Variants in EPHX2 observed in about 807,000 individuals in gnomAD.
EPHX2 encodes the protein epoxide hydrolase 2.
A neutral mutation model predicts 78.7 loss-of-function variants in EPHX2; 74 were observed. That is an observed-to-expected ratio of 0.94 (90% confidence interval 0.78 to 1.14). EPHX2 has a LOEUF of 1.14. Among genes scored for constraint, EPHX2 ranks in the 50% most tolerant of loss-of-function variants. EPHX2 has a pLI of 0.00. For missense variants in EPHX2, 715 were observed against 702.5 expected (o/e 1.02, Z -0.20); for synonymous variants, 251 against 255.2 (o/e 0.98, Z 0.16).
At chr8:27,540,492 C>T in intron 14 of EPHX2, 62 bp from the exon 15 acceptor site, 1 of 1,467,196 alleles carries the variant, frequency 6.8e-7, no homozygotes. Flanking sequence ...ATGAGGTCCC[C>T]ACCTTAAAAT....
At chr8:27,516,469 G>A (rs1032095574) in intron 8 of EPHX2, 71 bp downstream of exon 8, 2 of 1,410,138 alleles carry the variant, frequency 1.4e-6, no homozygotes, top group Non-Finnish European at 2.0e-6. Flanking sequence ...CCACGCCTCG[G>A]TGCTTTCCCT....
chr8:27,497,890 T>C (rs1813631966), intron 1 of EPHX2, among the ~76,000 whole-genome samples: 3 of 152,206 alleles, frequency 2.0e-5, no homozygotes, highest in African/African-American at 2.4e-5. Context: ...TGGAGATCCA[T>C]ACTGGGGACG....
Position 27,520,356 on chromosome 8 carries a change from T to G in EPHX2, c.946-527T>G, listed in dbSNP as rs1366731063. Among the ~76,000 whole-genome samples, 8 of 146,664 alleles carry G rather than the reference T, an allele frequency of 5.5e-5. No homozygotes were observed. In the South Asian group the frequency reaches 1.7e-3, roughly 32 times the overall value. The stretch of plus-strand genomic sequence containing the variant: ...AATTTTTGTTTTGTTTTGTTTTGGG[T>G]TTTTTTTTTGAGATGGAGTTTCACT... On this transcript the variant is annotated intron_variant, in intron 9 of 18. Transcript: ENST00000521400.
At chr8:27,504,888 G>C in intron 3 of EPHX2, 68 bp from the exon 4 acceptor site, 1 of 1,542,186 alleles carries the variant, frequency 6.5e-7, no homozygotes, top group Non-Finnish European at 8.9e-7. Flanking sequence ...GGAGTCCCTT[G>C]GGGGTATCTG....
At chr8:27,510,245 T>C (rs1168767071) in intron 5 of EPHX2, among the ~76,000 whole-genome samples, 2 of 152,222 alleles carry the variant, frequency 1.3e-5, no homozygotes, top group Non-Finnish European at 2.9e-5. Flanking sequence ...CCTTTAGGAC[T>C]AAAAGTGACC....
chr8:27,528,502 C>A (rs1471688943), intron 12 of EPHX2, among the ~76,000 whole-genome samples: 1 of 152,176 alleles, frequency 6.6e-6, no homozygotes, highest in Non-Finnish European at 1.5e-5. Context: ...TCAGTTTCCT[C>A]ATCTGCAAAA....
In EPHX2 at chr8:27,514,694, A is replaced by G. The variant is rs138187944; in HGVS notation, c.736-1024A>G. ...CTCGAGGCCCATGTCATTCAGGCAG[A>G]GATAGGCAAAGGGAGGGAGGCCACG... On this transcript the variant is annotated intron_variant, in intron 6 of 18. Transcript: ENST00000521400. Among the ~76,000 whole-genome samples, 10 of 152,258 alleles carry G rather than the reference A, an allele frequency of 6.6e-5. No individual in the cohort carries two copies. The East Asian group carries it at 1.9e-3, about 29-fold the overall frequency.
intron 6 of EPHX2, 48 bp from the exon 7 acceptor site, chr8:27,515,670 A>G (rs1345222627): frequency 1.3e-6 from 2 of 1,538,302 alleles, no homozygotes; most frequent in Non-Finnish European, 1.8e-6. Flanking sequence ...GCCTGGGTCC[A>G]CTGGGCCTGG....
chr8:27,511,807 C>T, intron 5 of EPHX2, 29 bp from the exon 6 acceptor site: 1 of 1,611,218 alleles, frequency 6.2e-7, no homozygotes, highest in South Asian at 1.1e-5. Context: ...CTGCTGCTGT[C>T]TCTCTCACTA....
At chr8:27,501,328 TTC>T (rs1401936065) in intron 2 of EPHX2, among the ~76,000 whole-genome samples, 4 of 34,324 alleles carry the variant, frequency 1.2e-4, no homozygotes, top group African/African-American at 5.4e-4. Context: ...ATATATTTTC[TTC>T]TTCTTCTTCT....
intron 11 of EPHX2, among the ~76,000 whole-genome samples, chr8:27,522,875 C>T (rs1043199371): frequency 1.4e-5 from 2 of 146,474 alleles, no homozygotes; most frequent in South Asian, 2.2e-4. Flanking sequence ...GCAGGAGAAT[C>T]GCTTGAACCC....
intron 5 of EPHX2, among the ~76,000 whole-genome samples, chr8:27,508,748 A>G (rs867394914): frequency 1.3e-5 from 2 of 152,154 alleles, no homozygotes; most frequent in Non-Finnish European, 2.9e-5. Flanking sequence ...AAAATTTGCC[A>G]TCTTTGTGTG....
intron 6 of EPHX2, among the ~76,000 whole-genome samples, chr8:27,512,323 A>G (rs1232913289): frequency 6.6e-6 from 1 of 152,218 alleles, no homozygotes; most frequent in Non-Finnish European, 1.5e-5. Context: ...AGGCTAAAGC[A>G]TGCACACAGC....
At chr8:27,516,919 AT>A (rs1255634079) in intron 8 of EPHX2, among the ~76,000 whole-genome samples, 2,674 of 131,486 alleles carry the variant, frequency 0.02, 31 homozygotes, top group Middle Eastern at 0.048. Context: ...TTTCCTTCCT[AT>A]TTTTTTTTTT....
In EPHX2 at chr8:27,505,109, A is replaced by T. The variant is rs140021176; in HGVS notation, c.500A>T (p.Lys167Met). 1 of 1,614,024 alleles carries T rather than the reference A, an allele frequency of 6.2e-7. No individual in the cohort carries two copies. Among genetic ancestry groups the T allele is most frequent in the Non-Finnish European group, 8.5e-7 (1 of 1,180,006 alleles). ...GMVKPEPQIY[K>M]FLLDTLKASP... ...GTCAAACCTGAACCTCAGATCTACA[A>T]GTTTCTGCTGGACACCCTGAAGGCC... The change falls in exon 4 of 19, where the codon AAG becomes ATG. Residue 167 changes from lysine to methionine, a missense_variant. Coordinates refer to ENST00000521400, the MANE Select transcript of EPHX2 (RefSeq NM_001979.6).
chr8:27,541,408 C>A, intron 15 of EPHX2, 65 bp from the exon 16 acceptor site: 1 of 1,537,852 alleles, frequency 6.5e-7, no homozygotes, highest in Non-Finnish European at 9.0e-7. Context: ...CAGGTTTCTG[C>A]TGGTGTCTGT....
chr8:27,498,841 T>C (rs1263759755), intron 1 of EPHX2, among the ~76,000 whole-genome samples: 2 of 152,246 alleles, frequency 1.3e-5, no homozygotes, highest in Admixed American at 1.3e-4. Context: ...CTGCAAATCA[T>C]TGAATTGTCA....
chr8:27,534,984 C>T (rs1815165437), intron 12 of EPHX2, among the ~76,000 whole-genome samples: 1 of 152,122 alleles, frequency 6.6e-6, no homozygotes, highest in Non-Finnish European at 1.5e-5. Context: ...TGTGTTAAAC[C>T]AGGGAGGCCA....
chr8:27,523,951 GAGAC>G (rs1814738264), intron 11 of EPHX2, among the ~76,000 whole-genome samples: 80 of 100,362 alleles, frequency 8.0e-4, no homozygotes, highest in African/African-American at 2.8e-3. Flanking sequence ...TTTTTTTTTT[GAGAC>G]AGAGTCTCAC....
Sources: allele counts gnomAD v4.1 joint callset (sites outside exome capture counted in the v4.1 genomes callset), GRCh38; gene constraint gnomAD v4.1.1; transcripts MANE v1.5; gene names NCBI Gene and HGNC (gene_info 2026-07-23, HGNC 2026-07-21).